Variants in LMNA observed in about 807,000 individuals in gnomAD.
LMNA encodes lamin.
A neutral mutation model predicts 70.4 loss-of-function variants in LMNA; 20 were observed. That is an observed-to-expected ratio of 0.28 (90% CI 0.20 to 0.41). The LOEUF is 0.41. Ranked by LOEUF, LMNA falls within the 10% of genes least tolerant of loss-of-function variation. The pLI is 1.00. For synonymous variants in LMNA, 339 were observed against 372.8 expected, an observed-to-expected ratio of 0.91 and a Z score of 1.04; for missense variants, 652 against 917.2, an observed-to-expected ratio of 0.71 and a Z score of 3.73.
Position 156,135,208 on chromosome 1 carries a change from G to T in LMNA, c.832G>T (p.Ala278Ser). 6.2e-7 allele frequency: 1 copy of T among 1,614,012 alleles called. No individual in the cohort carries two copies. The highest frequency in any genetic ancestry group is 1.1e-5 in the South Asian group (1 of 91,088). The stretch of plus-strand genomic sequence containing the variant: ...CCAGCTGGACAATGCCAGGCAGTCT[G>T]CTGAGAGGAACAGCAACCTGGTGGG... The part of the protein sequence containing the change: ...SAKLDNARQS[A>S]ERNSNLVGAA... Residue 278 changes from alanine to serine, a missense_variant, in exon 5 of 12, where the codon GCT (alanine) becomes TCT (serine). Physicochemically the swap from Ala to Ser is moderately conservative, Grantham distance 99 (BLOSUM62 1). Around this residue, in one of 4 missense-constraint regions of LMNA, gnomAD observed 254 missense variants for 421.9 expected, o/e 0.60. Coordinates refer to ENST00000368300, the MANE Select transcript of LMNA (RefSeq NM_170707.4). This position sits in a 1 kb window ranked among gnomAD's most constrained non-coding sequence, Gnocchi z 4.8.
rs754097769 is a variant in LMNA, at chr1:156,130,730, C to A, written c.470C>A (p.Thr157Lys). The A allele has an allele frequency of 6.2e-7, 1 of 1,607,794 alleles. No individual in the cohort carries two copies. The change falls in exon 2 of 12, where the codon ACG becomes AAG. Residue 157 changes from threonine to lysine, a missense_variant. By Grantham distance (78) the Thr-to-Lys change is moderately conservative. Coordinates refer to ENST00000368300, the MANE Select transcript of LMNA (RefSeq NM_170707.4). ...AGCACTGCTCTCAGTGAGAAGCGCA[C>A]GCTGGAGGGCGAGCTGCATGATCTG... ...ALSTALSEKR[T>K]LEGELHDLRG... is the part of the protein sequence containing the mutation.
upstream of LMNA, among the ~76,000 whole-genome samples, chr1:156,111,129 C>A (rs774971604): frequency 1.3e-5 from 2 of 151,964 alleles, no homozygotes; most frequent in Admixed American, 1.3e-4. Flanking sequence ...GGAGCCCCCC[C>A]ACCCAATCAA....
intron 2 of LMNA, among the ~76,000 whole-genome samples, chr1:156,087,476 T>C (rs1239221451): frequency 1.3e-5 from 2 of 151,966 alleles, no homozygotes; most frequent in African/African-American, 2.4e-5. Context: ...CTCCTGACCT[T>C]GTGATCCACC....
In LMNA at chr1:156,103,653, C is replaced by T. The variant is rs921755159; in HGVS notation, c.-206-11060C>T. Among the ~76,000 whole-genome samples, 10 of 152,132 alleles carry T rather than the reference C, an allele frequency of 6.6e-5. No homozygotes were observed. The highest frequency in any genetic ancestry group is 1.9e-4 in the East Asian group (1 of 5,194). ...GACTAGCTCTCCTGTGTCCCCTCTC[C>T]GGGGGCTGCCCCCTCCCAGTTTCTG... On this transcript the variant is annotated intron_variant, in intron 3 of 12. Transcript: ENST00000368301. This position sits in a 1 kb window ranked among gnomAD's most constrained non-coding sequence, Gnocchi z 4.7.
At chr1:156,108,585 C>T (rs116480793) in intron 3 of LMNA, among the ~76,000 whole-genome samples, 1,679 of 152,142 alleles carry the variant, frequency 0.011, 23 homozygotes, top group Non-Finnish European at 0.018. Context: ...GGTGAAATCC[C>T]GTCTCTACTA....
At chr1:156,096,994 C>A (rs919271499) in intron 3 of LMNA, among the ~76,000 whole-genome samples, 1 of 152,158 alleles carries the variant, frequency 6.6e-6, no homozygotes, top group African/African-American at 2.4e-5. Flanking sequence ...CAGCCTAACA[C>A]GGCAGGGAAG....
At chr1:156,105,991 G>C (rs909352033) in intron 3 of LMNA, among the ~76,000 whole-genome samples, 1 of 152,008 alleles carries the variant, frequency 6.6e-6, no homozygotes, top group Non-Finnish European at 1.5e-5. Flanking sequence ...AAAAAATAGC[G>C]GGGCGTGGTG....
At chr1:156,131,785 T>G (rs1192185442) in intron 2 of LMNA, among the ~76,000 whole-genome samples, 2 of 152,214 alleles carry the variant, frequency 1.3e-5, no homozygotes, top group Non-Finnish European at 2.9e-5. Context: ...AGCGGATGGC[T>G]AATTACATAT....
intron 1 of LMNA, among the ~76,000 whole-genome samples, chr1:156,119,103 G>T (rs1650022750): frequency 6.6e-6 from 1 of 151,390 alleles, no homozygotes; most frequent in African/African-American, 2.4e-5. Flanking sequence ...GTGCCACCAT[G>T]CCCAGCTAAT....
intron 3 of LMNA, among the ~76,000 whole-genome samples, chr1:156,091,658 A>G (rs561943640): frequency 6.6e-6 from 1 of 152,230 alleles, no homozygotes; most frequent in African/African-American, 2.4e-5. Context: ...TATCAAATAC[A>G]TGCTGTGTCA....
intron 1 of LMNA, among the ~76,000 whole-genome samples, chr1:156,127,736 G>A (rs1326319408): frequency 6.7e-6 from 1 of 149,678 alleles, no homozygotes; most frequent in Non-Finnish European, 1.5e-5. Flanking sequence ...ACCCAGGCTG[G>A]AGTACAGTGG....
upstream of LMNA, among the ~76,000 whole-genome samples, chr1:156,113,058 G>A (rs181969889): frequency 4.5e-4 from 68 of 152,244 alleles, no homozygotes; most frequent in Middle Eastern, 3.4e-3. Flanking sequence ...ACTTTGGGAA[G>A]CTGAGGCAGG....
chr1:156,138,220 C>G lies in LMNA; in HGVS notation c.1699-268C>G. ...TGCTCCCGTTCTCTCTTCTTTTCCT[C>G]TTAAGCTCAGAGTAGCTAGAACAGA... On this transcript the variant is annotated intron_variant, in intron 10 of 11. Transcript: ENST00000368300. This position sits in a 1 kb window ranked among gnomAD's most constrained non-coding sequence, Gnocchi z 5.5. The G allele has an allele frequency of 1.7e-6, 1 of 583,786 alleles. No individual in the cohort carries two copies. Among genetic ancestry groups the G allele is most frequent in the Non-Finnish European group, 3.1e-6 (1 of 327,790 alleles). The allele number at this position is 583,786 out of a possible 1,614,324, so 36.2% of individuals were successfully genotyped here. A position where few individuals can be genotyped will look rare whatever the true frequency, so the allele number is the denominator to read the frequency against.
rs1651907818 is a variant in LMNA at position 156,139,111 on chromosome 1, G to A, written c.*5G>A. 6.2e-7 allele frequency: 1 copy of A among 1,613,582 alleles called. No individual in the cohort carries two copies. ...CAGAACTGCAGCATCATGTAATCTG[G>A]GACCTGCCAGGCAGGGGTGGGGGTG... On this transcript the variant is annotated 3_prime_UTR_variant, in exon 12 of 12. Coordinates refer to ENST00000368300, the MANE Select transcript of LMNA (RefSeq NM_170707.4).
chr1:156,092,822 T>C (rs896318492), intron 3 of LMNA, among the ~76,000 whole-genome samples: 6 of 151,868 alleles, frequency 4.0e-5, no homozygotes, highest in East Asian at 1.9e-4. Context: ...CTCCAGCCCA[T>C]CCTGCTCCTC....
chr1:156,106,041 C>G (rs1308953910), intron 3 of LMNA, among the ~76,000 whole-genome samples: 2 of 151,662 alleles, frequency 1.3e-5, no homozygotes, highest in Admixed American at 6.6e-5. Flanking sequence ...AGGCTGAGGC[C>G]GGAGAATGGC....
chr1:156,103,941 G>C lies in LMNA; in HGVS notation c.-206-10772G>C, dbSNP rs1483936048. Among the ~76,000 whole-genome samples the C allele has an allele frequency of 6.6e-6, 1 of 152,136 alleles. No homozygotes were observed. The highest frequency in any genetic ancestry group is 2.1e-4 in the South Asian group (1 of 4,832). ...CTTTCCTTCCCCGAACCCGGCCTCAGTTCCTGGGACATCCTGGCTCCATTC... is the reference window on the plus strand; with the variant it reads ...CTTTCCTTCCCCGAACCCGGCCTCACTTCCTGGGACATCCTGGCTCCATTC... On this transcript the variant is annotated intron_variant, in intron 3 of 12. Coordinates refer to the LMNA transcript ENST00000368301. The surrounding 1 kb of genome is among the most constrained non-coding windows in gnomAD (Gnocchi z 4.7).
At chr1:156,128,850 G>A (rs1216250292) in intron 1 of LMNA, among the ~76,000 whole-genome samples, 1 of 152,236 alleles carries the variant, frequency 6.6e-6, no homozygotes, top group East Asian at 1.9e-4. Context: ...GGGTAGAGAG[G>A]CCTCTTCTGG....
In LMNA at chr1:156,138,903, C is replaced by T; in HGVS notation, c.1968+146C>T. 1 of 1,313,254 alleles carries T rather than the reference C, an allele frequency of 7.6e-7. No homozygotes were observed. The highest frequency in any genetic ancestry group is 1.1e-6 in the Non-Finnish European group (1 of 924,358). The allele number at this position is 1,313,254 out of a possible 1,614,324, so 81.4% of individuals were successfully genotyped here. A position where few individuals can be genotyped will look rare whatever the true frequency, so the allele number is the denominator to read the frequency against. On this transcript the variant is annotated intron_variant, in intron 11 of 11. Transcript: ENST00000368300. This position sits in a 1 kb window ranked among gnomAD's most constrained non-coding sequence, Gnocchi z 5.5. ...GAGCCTCCTCCCCACAGCCTGAGTC[C>T]TAGACAGCCCACCTCTGCATCCTGC...
Sources: gnomAD v4.1 joint callset for allele counts (sites outside exome capture counted in the v4.1 genomes callset) on GRCh38, gnomAD v4.1.1 for gene constraint, gnomAD v4.1.1 regional missense constraint, Gnocchi (gnomAD v3.1) non-coding constraint, MANE v1.5 for transcripts, NCBI Gene and HGNC (gene_info 2026-07-23, HGNC 2026-07-21) for gene names.